Variants in GFOD2 observed in about 807,000 individuals in gnomAD.
GFOD2 encodes Gfo/Idh/MocA-like oxidoreductase domain containing 2.
A neutral mutation model predicts 24.6 loss-of-function variants in GFOD2; 9 were observed. The observed-to-expected ratio is 0.37, with a 90% CI of 0.22 to 0.64. GFOD2 has a LOEUF of 0.64. Among genes scored for constraint, GFOD2 ranks in the 30% least tolerant of loss-of-function variants. The pLI is 0.65. For missense variants in GFOD2, 476 were observed against 532.5 expected (o/e 0.89, Z 1.04); for synonymous variants, 211 against 224.8 (o/e 0.94, Z 0.55).
intron 1 of GFOD2, among the ~76,000 whole-genome samples, chr16:67,694,330 CTG>C (rs1285010157): frequency 6.6e-6 from 1 of 152,016 alleles, no homozygotes; most frequent in African/African-American, 2.4e-5. Context: ...TGGGGTCTCA[CTG>C]TGTTACCTAG....
intron 1 of GFOD2, among the ~76,000 whole-genome samples, chr16:67,687,366 T>C (rs1597794391): frequency 1.3e-5 from 2 of 150,640 alleles, no homozygotes; most frequent in South Asian, 2.1e-4. Context: ...TTAGGCCGGG[T>C]GCGGTGGCTC....
At chr16:67,691,519 A>ACCC (rs1567657230) in intron 1 of GFOD2, among the ~76,000 whole-genome samples, 46 of 118,706 alleles carry the variant, frequency 3.9e-4, no homozygotes, top group African/African-American at 1.3e-3. Flanking sequence ...CCCCCCCCCA[A>ACCC]AAAAAAAAAA....
intron 1 of GFOD2, among the ~76,000 whole-genome samples, chr16:67,691,606 C>T (rs796613136): frequency 4.6e-5 from 7 of 151,900 alleles, no homozygotes; most frequent in African/African-American, 1.7e-4. Context: ...TGGAACTCCT[C>T]TCTACCCTAC....
Position 67,711,084 on chromosome 16 carries a change from C to A in GFOD2, c.-88+8079G>T, listed in dbSNP as rs1471982008. ...AAGCATTTCTTCAGAATGAAGACTC[C>A]AAAAGAGGTAGGAAGGAAAAGTACA... On this transcript the variant is annotated intron_variant, in intron 1 of 2. Transcript: ENST00000268797. 5.9e-5 allele frequency among the ~76,000 whole-genome samples: 9 copies of A among 152,260 alleles called. 1 individual carries two copies. Among genetic ancestry groups the A allele is most frequent in the Admixed American group, 5.2e-4 (8 of 15,298 alleles).
chr16:67,718,679 ACC>A (rs2053523443), intron 1 of GFOD2, among the ~76,000 whole-genome samples: 1 of 152,088 alleles, frequency 6.6e-6, no homozygotes, highest in African/African-American at 2.4e-5. Flanking sequence ...CCCTTCTTCC[ACC>A]TGTCAACTGA....
At chr16:67,710,791 A>G (rs992280821) in intron 1 of GFOD2, among the ~76,000 whole-genome samples, 2 of 152,156 alleles carry the variant, frequency 1.3e-5, no homozygotes, top group Non-Finnish European at 2.9e-5. Flanking sequence ...TTTTCTATCC[A>G]CTGACCCCTA....
intron 1 of GFOD2, among the ~76,000 whole-genome samples, chr16:67,701,305 G>A (rs1158926490): frequency 6.6e-6 from 1 of 152,156 alleles, no homozygotes; most frequent in East Asian, 1.9e-4. Context: ...AAACCTATAT[G>A]TGAATGTCTA....
At chr16:67,690,995 T>G (rs1260603183) in intron 1 of GFOD2, among the ~76,000 whole-genome samples, 2 of 152,130 alleles carry the variant, frequency 1.3e-5, no homozygotes, top group Non-Finnish European at 2.9e-5. Flanking sequence ...CCCGAGTAAC[T>G]GGGACTACAG....
chr16:67,680,937 A>G, intron 2 of GFOD2: 1 of 985,448 alleles, frequency 1.0e-6, no homozygotes, highest in Non-Finnish European at 1.2e-6. Context: ...AGGACAATAA[A>G]GAACAGCCAG....
At chr16:67,679,049 C>T (rs1345555914) in intron 2 of GFOD2, among the ~76,000 whole-genome samples, 1 of 152,000 alleles carries the variant, frequency 6.6e-6, no homozygotes, top group Non-Finnish European at 1.5e-5. Flanking sequence ...TACCTGTAGC[C>T]CCAGCTACTT....
At chr16:67,696,363 T>G (rs959855364) in intron 1 of GFOD2, among the ~76,000 whole-genome samples, 6 of 151,220 alleles carry the variant, frequency 4.0e-5, no homozygotes, top group Non-Finnish European at 8.8e-5. Context: ...TATGACCAAC[T>G]TAGATGTCTC....
chr16:67,692,799 G>A (rs2053324539), intron 1 of GFOD2, among the ~76,000 whole-genome samples: 1 of 151,634 alleles, frequency 6.6e-6, no homozygotes, highest in Non-Finnish European at 1.5e-5. Flanking sequence ...GGCTGAGGAG[G>A]GCGAATCACG....
intron 1 of GFOD2, among the ~76,000 whole-genome samples, chr16:67,691,428 G>A (rs1041675182): frequency 4.0e-5 from 6 of 150,758 alleles, no homozygotes; most frequent in Non-Finnish European, 7.4e-5. Context: ...GGCTGGTCTC[G>A]AACTCCTGGC....
chr16:67,711,972 G>C (rs2053477268), intron 1 of GFOD2, among the ~76,000 whole-genome samples: 1 of 151,978 alleles, frequency 6.6e-6, no homozygotes, highest in Non-Finnish European at 1.5e-5. Context: ...TCCATTGTTT[G>C]TCTCTCCCCA....
At position 67,675,577 on chromosome 16, in the gene GFOD2, C is replaced by A. The variant is rs572454378; in HGVS notation, c.736G>T (p.Ala246Ser). The A allele has an allele frequency of 6.2e-7, 1 of 1,613,462 alleles. No individual in the cohort carries two copies. Among genetic ancestry groups the A allele is most frequent in the East Asian group, 2.2e-5 (1 of 44,886 alleles). Residue 246 changes from alanine (A) to serine (S), a missense_variant, in exon 3 of 3, where the codon GCC becomes TCC. Transcript: ENST00000268797. Reference protein sequence around the residue: ...TVTLNFNMPGAFVHEVMVVGS... With the variant: ...TVTLNFNMPGSFVHEVMVVGS... ...ACCACCATGACTTCATGCACAAAGG[C>A]GCCTGGCATGTTGAAGTTGAGTGTC...
chr16:67,680,319 T>TG (rs1472943762), intron 2 of GFOD2: 1 of 152,246 alleles, frequency 6.6e-6, no homozygotes, highest in Non-Finnish European at 1.5e-5. Flanking sequence ...AAGAATCACT[T>TG]GAGTCCAGGA....
chr16:67,681,110 G>A (rs897623896), intron 2 of GFOD2: 13 of 985,358 alleles, frequency 1.3e-5, no homozygotes, highest in Non-Finnish European at 1.6e-5. Context: ...TTCTGGGGGT[G>A]AATTTTGCCA....
intron 2 of GFOD2, chr16:67,683,361 G>A (rs79407301): frequency 0.038 from 47,182 of 1,226,076 alleles, 1,035 homozygotes; most frequent in Middle Eastern, 0.089. Context: ...CCAGAGTTCT[G>A]GCTCCGGACA....
chr16:67,691,573 C>A (rs550002317), intron 1 of GFOD2, among the ~76,000 whole-genome samples: 82 of 150,428 alleles, frequency 5.5e-4, no homozygotes, highest in African/African-American at 1.9e-3. Flanking sequence ...ACAGCTTCTG[C>A]TTTCTTTGAG....
Sources: allele counts gnomAD v4.1 joint callset (sites outside exome capture counted in the v4.1 genomes callset), GRCh38; gene constraint gnomAD v4.1.1; transcripts MANE v1.5; gene names NCBI Gene and HGNC (gene_info 2026-07-23, HGNC 2026-07-21).